NRXN3: variants seen among roughly 807,000 people sequenced by gnomAD.
NRXN3 encodes the protein neurexin 3, also known as neurexin III.
NRXN3 carries 32 observed loss-of-function variants against 137.6 expected under a neutral mutation model. The observed-to-expected ratio is 0.23, with a 90% CI of 0.18 to 0.31. The LOEUF (loss-of-function observed/expected upper bound fraction) is 0.31, where lower values mean the gene tolerates loss of function less well. Ranked by LOEUF, NRXN3 falls within the 10% of genes least tolerant of loss-of-function variation. NRXN3 has a pLI of 1.00. For synonymous variants in NRXN3, 798 were observed against 784.5 expected (o/e 1.02, Z -0.29); for missense variants, 1,574 against 2,062.5 (o/e 0.76, Z 4.59).
At chr14:78,267,065 T>C (rs991644893) in intron 2 of NRXN3, among the ~76,000 whole-genome samples, 7 of 152,222 alleles carry the variant, frequency 4.6e-5, no homozygotes, top group Non-Finnish European at 7.3e-5. Flanking sequence ...AAGTTCTTTC[T>C]ATCCCAGGCC....
chr14:79,170,952 T>A (rs1056228880), intron 15 of NRXN3, among the ~76,000 whole-genome samples: 1 of 152,068 alleles, frequency 6.6e-6, no homozygotes, highest in African/African-American at 2.4e-5. Flanking sequence ...AAAATACTAC[T>A]TTTTCAAGGG....
At chr14:79,027,269 C>T (rs1402272304) in intron 15 of NRXN3, among the ~76,000 whole-genome samples, 1 of 151,768 alleles carries the variant, frequency 6.6e-6, no homozygotes, top group Non-Finnish European at 1.5e-5. Flanking sequence ...TCAGATTTCT[C>T]CTATGGGGAC....
intron 10 of NRXN3, among the ~76,000 whole-genome samples, chr14:78,903,507 A>C (rs1194682785): frequency 6.6e-6 from 1 of 152,060 alleles, no homozygotes; most frequent in Non-Finnish European, 1.5e-5. Flanking sequence ...CATATGTGTT[A>C]AATTGCATAC....
At chr14:78,539,566 G>A (rs2096568954) in intron 4 of NRXN3, among the ~76,000 whole-genome samples, 1 of 151,876 alleles carries the variant, frequency 6.6e-6, no homozygotes, top group Non-Finnish European at 1.5e-5. Context: ...ACCAGCCCCT[G>A]GATTCATTAA....
chr14:79,508,389 G>GGTTTTTTTTTTTTTTTTTTTTTT (rs1567328889), intron 16 of NRXN3, among the ~76,000 whole-genome samples: 1 of 12,560 alleles, frequency 8.0e-5, no homozygotes, highest in Non-Finnish European at 1.5e-4. Context: ...AACAATAACT[G>GGTTTTTTTTTTTTTTTTTTTTTT]ATTTTTTTTT....
chr14:78,345,297 G>A (rs1227687584), intron 4 of NRXN3, among the ~76,000 whole-genome samples: 3 of 152,182 alleles, frequency 2.0e-5, no homozygotes, highest in Non-Finnish European at 4.4e-5. Flanking sequence ...ATTTCTCACA[G>A]TGTCAGAGAT....
chr14:78,691,323 T>C (rs2098168581), intron 6 of NRXN3, among the ~76,000 whole-genome samples: 1 of 152,196 alleles, frequency 6.6e-6, no homozygotes, highest in African/African-American at 2.4e-5. Flanking sequence ...AATTCTCTCC[T>C]ATATCATCGG....
chr14:79,612,115 T>A (rs1439714786), intron 16 of NRXN3, among the ~76,000 whole-genome samples: 1 of 152,220 alleles, frequency 6.6e-6, no homozygotes, highest in Non-Finnish European at 1.5e-5. Flanking sequence ...AAATCAATGC[T>A]AATGTCAATG....
chr14:78,356,144 G>T (rs1320174361), intron 4 of NRXN3, among the ~76,000 whole-genome samples: 1 of 152,210 alleles, frequency 6.6e-6, no homozygotes, highest in African/African-American at 2.4e-5. Context: ...GCCTTCATGG[G>T]CTTGGTTGGC....
At position 78,235,040 on chromosome 14, in the gene NRXN3, G is replaced by GTATATATATA. The variant is rs1338237743; in HGVS notation, c.-703-7350_-703-7349insATATATATAT. On this transcript the variant is annotated intron_variant, in intron 1 of 20. Transcript: ENST00000335750. The stretch of plus-strand genomic sequence containing the variant: ...TATATATATGTGTATATATATATGT[G>GTATATATATA]TGTGTGTGTGTGTGTGTCTTTTTGT... Among the ~76,000 whole-genome samples, 37 of 103,774 alleles carry GTATATATATA rather than the reference G, an allele frequency of 3.6e-4. 1 individual carries two copies. The South Asian group carries it at 3.7e-3, about 10-fold the overall frequency. 68.1% of individuals were successfully genotyped at this position (103,774 alleles called of 152,430 possible).
At chr14:78,363,115 A>C (rs1255917225) in intron 4 of NRXN3, among the ~76,000 whole-genome samples, 1 of 152,148 alleles carries the variant, frequency 6.6e-6, no homozygotes, top group South Asian at 2.1e-4. Flanking sequence ...TTCCTGCTGC[A>C]GGCTGCCAGC....
chr14:78,988,349 T>A, intron 15 of NRXN3: 2 of 591,582 alleles, frequency 3.4e-6, no homozygotes, highest in Non-Finnish European at 6.0e-6. Context: ...TTCTCCCACT[T>A]GCTCACTCCC....
At chr14:78,522,305 A>C (rs182267189) in intron 4 of NRXN3, among the ~76,000 whole-genome samples, 2 of 152,252 alleles carry the variant, frequency 1.3e-5, no homozygotes, top group African/African-American at 4.8e-5. Flanking sequence ...TAAGTGTTAC[A>C]TAACCATGAT....
chr14:78,397,667 G>A (rs760016101), intron 4 of NRXN3, among the ~76,000 whole-genome samples: 2 of 151,592 alleles, frequency 1.3e-5, no homozygotes, highest in East Asian at 2.0e-4. Flanking sequence ...GCAGTGGTGC[G>A]ATTTTGGCTC....
chr14:78,626,949 C>CAGATTTATT (rs2097465794), intron 4 of NRXN3, among the ~76,000 whole-genome samples: 1 of 152,208 alleles, frequency 6.6e-6, no homozygotes, highest in Non-Finnish European at 1.5e-5. Flanking sequence ...GCATGGCTCT[C>CAGATTTATT]AGATTTATTA....
At chr14:78,589,332 G>C (rs948222660) in intron 4 of NRXN3, among the ~76,000 whole-genome samples, 1 of 152,154 alleles carries the variant, frequency 6.6e-6, no homozygotes, top group Admixed American at 6.5e-5. Context: ...CTCTCTGCAG[G>C]AGAGGATGCT....
At chr14:79,727,314 A>G (rs2098896553) in intron 19 of NRXN3, among the ~76,000 whole-genome samples, 1 of 152,200 alleles carries the variant, frequency 6.6e-6, no homozygotes, top group South Asian at 2.1e-4. Context: ...ATCATGTATG[A>G]GTAGCCGGGA....
chr14:79,512,666 A>G (rs2096942890), intron 16 of NRXN3, among the ~76,000 whole-genome samples: 1 of 152,192 alleles, frequency 6.6e-6, no homozygotes, highest in East Asian at 1.9e-4. Context: ...GCTAGTCCAC[A>G]ATAGTGGGAT....
chr14:79,365,891 G>T (rs2093875695), intron 15 of NRXN3, among the ~76,000 whole-genome samples: 1 of 151,878 alleles, frequency 6.6e-6, no homozygotes, highest in Non-Finnish European at 1.5e-5. Flanking sequence ...TGATATTTCT[G>T]TGAAAGAGGT....
Sources: allele counts gnomAD v4.1 joint callset (sites outside exome capture counted in the v4.1 genomes callset), GRCh38; gene constraint gnomAD v4.1.1; transcripts MANE v1.5; gene names NCBI Gene and HGNC (gene_info 2026-07-23, HGNC 2026-07-21).